Variants in DSE observed in about 807,000 individuals in gnomAD.
The protein encoded by DSE is dermatan-sulfate epimerase.
In DSE, 36 loss-of-function variants were observed where a neutral mutation model predicts 84.4. The ratio of observed to expected loss-of-function variants is 0.43; its 90% CI spans 0.33 to 0.56. DSE has a LOEUF of 0.56. Among genes scored for constraint, DSE ranks in the 20% least tolerant of loss-of-function variants. DSE has a pLI of 0.06. For synonymous variants in DSE, 410 were observed against 430.1 expected (o/e 0.95, Z 0.58); for missense variants, 862 against 1,169.6 (o/e 0.74, Z 3.84).
At chr6:116,322,642 A>G (rs1016217615) in intron 2 of DSE, among the ~76,000 whole-genome samples, 2 of 151,834 alleles carry the variant, frequency 1.3e-5, no homozygotes, top group African/African-American at 2.4e-5. Context: ...TTCCTAAAAT[A>G]TATCATTTCG....
chr6:116,335,880 GCT>G (rs1216720523), intron 2 of DSE, among the ~76,000 whole-genome samples: 1 of 152,170 alleles, frequency 6.6e-6, no homozygotes, highest in Non-Finnish European at 1.5e-5. Context: ...AGGAAAAACT[GCT>G]CTGTTTGGGG....
Position 116,437,110 on chromosome 6 carries a change from G to T in DSE, c.2642G>T (p.Gly881Val). Residue 881 changes from glycine (G) to valine (V), a missense_variant, in exon 6 of 6, where the codon GGA becomes GTA. Around this residue, in one of 4 missense-constraint regions of DSE, gnomAD observed 315 missense variants for 348.1 expected, o/e 0.90. Coordinates refer to ENST00000644252, the MANE Select transcript of DSE (RefSeq NM_013352.4). ...KNGGLIKGRF[G>V]QARMVTTTHS... is the part of the protein sequence containing the mutation. ...GGGGGCTTGATTAAAGGCCGGTTTG[G>T]ACAGGCACGGATGGTGACAACTACA... 6.2e-7 allele frequency: 1 copy of T among 1,614,126 alleles called. No homozygotes were observed. The highest frequency in any genetic ancestry group is 1.1e-5 in the South Asian group (1 of 91,084).
Position 116,435,660 on chromosome 6 carries a change from G to A in DSE, c.1192G>A (p.Gly398Ser), listed in dbSNP as rs775032838. Reference protein sequence around the residue: ...TPTLHYFEDWGVVTYGSALPA... With the variant: ...TPTLHYFEDWSVVTYGSALPA... ...TACACTGCATTATTTTGAAGACTGG[G>A]GTGTCGTGACTTATGGAAGTGCACT... The change falls in exon 6 of 6, where the codon GGT becomes AGT. Residue 398 changes from glycine (G) to serine (S), a missense_variant. Gly to Ser is a moderately conservative substitution (Grantham distance 56). Coordinates refer to ENST00000644252, the MANE Select transcript of DSE (RefSeq NM_013352.4). The A allele has an allele frequency of 4.3e-6, 7 of 1,613,972 alleles. No homozygotes were observed. Among genetic ancestry groups the A allele is most frequent in the Non-Finnish European group, 1.7e-6 (2 of 1,179,972 alleles).
intron 2 of DSE, among the ~76,000 whole-genome samples, chr6:116,315,429 CATTTGTTTCATTTACT>C (rs1775914406): frequency 6.6e-6 from 1 of 151,738 alleles, no homozygotes; most frequent in African/African-American, 2.4e-5. Flanking sequence ...CAGGAATTTC[CATTTGTTTCATTTACT>C]AGGGTATACC....
At chr6:116,386,684 T>A (rs955013697) in intron 1 of DSE, among the ~76,000 whole-genome samples, 1 of 152,198 alleles carries the variant, frequency 6.6e-6, no homozygotes, top group African/African-American at 2.4e-5. Context: ...TCATGAGTCA[T>A]CTAGTTAACT....
chr6:116,370,824 C>G, upstream of DSE: 1 of 985,532 alleles, frequency 1.0e-6, no homozygotes, highest in Non-Finnish European at 1.2e-6. Flanking sequence ...TCCTCATCCT[C>G]GTCTCCTCTG....
chr6:116,315,023 A>G (rs1469643739), intron 2 of DSE, among the ~76,000 whole-genome samples: 1 of 152,270 alleles, frequency 6.6e-6, no homozygotes, highest in African/African-American at 2.4e-5. Context: ...CCCCAGAGTG[A>G]AATTCTTGTA....
chr6:116,391,803 A>ATTTTCC (rs925057071), intron 1 of DSE, among the ~76,000 whole-genome samples: 154 of 150,388 alleles, frequency 1.0e-3, no homozygotes, highest in Non-Finnish European at 1.7e-3. Flanking sequence ...CAGTTTTAAG[A>ATTTTCC]TTTTCCTTTT....
chr6:116,388,083 A>G (rs569883587), intron 1 of DSE, among the ~76,000 whole-genome samples: 57 of 152,318 alleles, frequency 3.7e-4, no homozygotes, highest in Admixed American at 3.1e-3. Context: ...CTGTTTATCT[A>G]TCTATATCTA....
At chr6:116,301,097 G>A (rs1384959197) in intron 2 of DSE, among the ~76,000 whole-genome samples, 2 of 150,090 alleles carry the variant, frequency 1.3e-5, no homozygotes, top group Non-Finnish European at 3.0e-5. Context: ...TAGCACAGTG[G>A]TTGGACTTCT....
chr6:116,369,901 T>C (rs1010696856), upstream of DSE: 2 of 1,289,140 alleles, frequency 1.6e-6, no homozygotes, highest in Non-Finnish European at 2.0e-6. Context: ...CTGCTCCCAG[T>C]AAAATATCTC....
chr6:116,259,050 C>T (rs1582901691), intron 2 of DSE: 3 of 1,552,528 alleles, frequency 1.9e-6, no homozygotes, highest in Admixed American at 1.7e-5. Flanking sequence ...CAGTGCTCCA[C>T]TTCCCAAAGA....
At chr6:116,282,602 A>G (rs983850319) in intron 2 of DSE, among the ~76,000 whole-genome samples, 12 of 152,096 alleles carry the variant, frequency 7.9e-5, no homozygotes, top group Non-Finnish European at 1.5e-4. Context: ...TAAAGCTGTG[A>G]TAAGGAATAT....
rs1310458561 is a variant in DSE, at chr6:116,405,831, G to A, written c.416+6165G>A. On this transcript the variant is annotated intron_variant, in intron 2 of 5. Transcript: ENST00000644252. ...GGACCCGAGGGAGAGGCATAGGCAG[G>A]TGTACAGATTAGTTGAGCAGCCCAG... is the stretch of plus-strand genomic sequence containing the variant. 3.9e-5 allele frequency among the ~76,000 whole-genome samples: 6 copies of A among 152,258 alleles called. No individual in the cohort carries two copies. In the East Asian group the frequency reaches 1.2e-3, roughly 29 times the overall value.
chr6:116,388,811 G>C (rs1780719243), intron 1 of DSE, among the ~76,000 whole-genome samples: 1 of 152,148 alleles, frequency 6.6e-6, no homozygotes, highest in Non-Finnish European at 1.5e-5. Context: ...TATAGACTTT[G>C]GTTGATGAAG....
At chr6:116,304,815 G>A (rs1378287794) in intron 2 of DSE, among the ~76,000 whole-genome samples, 1 of 152,094 alleles carries the variant, frequency 6.6e-6, no homozygotes, top group Non-Finnish European at 1.5e-5. Flanking sequence ...GCTACCCCTT[G>A]CCTTTTCCTT....
rs758608984 is a variant in DSE at position 116,400,103 on chromosome 6, T to G, written c.416+437T>G. The G allele has an allele frequency of 2.2e-4, 35 of 156,218 alleles. 1 individual carries two copies. The highest frequency in any genetic ancestry group is 4.8e-4 in the Non-Finnish European group (34 of 70,552). 9.7% of individuals were successfully genotyped at this position (156,218 alleles called of 1,614,324 possible). A position where few individuals can be genotyped will look rare whatever the true frequency, so the allele number is the denominator to read the frequency against. On this transcript the variant is annotated intron_variant, in intron 2 of 5. Coordinates refer to ENST00000644252, the MANE Select transcript of DSE (RefSeq NM_013352.4). ...CGTAAGGAACTAAATGTGAATGGGATGGGACTGACTGGCAATTTATAAACA... is the reference window on the plus strand; with the variant it reads ...CGTAAGGAACTAAATGTGAATGGGAGGGGACTGACTGGCAATTTATAAACA...
chr6:116,366,137 T>G (rs1056563633), upstream of DSE: 1 of 152,236 alleles, frequency 6.6e-6, no homozygotes, highest in African/African-American at 2.4e-5. Context: ...TGAGAAAAGT[T>G]TGCATATCAA....
At chr6:116,299,510 A>T (rs956874745) in intron 2 of DSE, among the ~76,000 whole-genome samples, 1 of 4,214 alleles carries the variant, frequency 2.4e-4, no homozygotes, top group African/African-American at 7.9e-4. Flanking sequence ...ATTTTTATAT[A>T]TATATATATA....
Sources: allele counts gnomAD v4.1 joint callset (sites outside exome capture counted in the v4.1 genomes callset), GRCh38; gene constraint gnomAD v4.1.1; regional missense constraint gnomAD v4.1.1; transcripts MANE v1.5; gene names NCBI Gene and HGNC (gene_info 2026-07-23, HGNC 2026-07-21).